Variants in FBXL13 observed in about 807,000 individuals in gnomAD.
The protein encoded by FBXL13 is F-box and leucine rich repeat protein 13.
FBXL13 carries 67 observed loss-of-function variants against 83.6 expected under a neutral mutation model. That is an observed-to-expected ratio of 0.80 (90% CI 0.66 to 0.98). The LOEUF is 0.98. Ranked by LOEUF, FBXL13 falls within the 50% of genes least tolerant of loss-of-function variation. The pLI is 0.00. For missense variants in FBXL13, 822 were observed against 866.5 expected (o/e 0.95, Z 0.64); for synonymous variants, 272 against 299.5 (o/e 0.91, Z 0.95).
chr7:102,942,421 G>T, intron 8 of FBXL13: 1 of 1,285,734 alleles, frequency 7.8e-7, no homozygotes. Context: ...AGACATTGTT[G>T]TGGAAAAGAG....
At chr7:102,930,128 T>G (rs536824818) in intron 9 of FBXL13, among the ~76,000 whole-genome samples, 49 of 152,200 alleles carry the variant, frequency 3.2e-4, no homozygotes, top group African/African-American at 1.2e-3. Flanking sequence ...TGGTTCAGTA[T>G]TGAAATAGAG....
chr7:102,973,239 T>G (rs2129482502), intron 6 of FBXL13: 1 of 290,878 alleles, frequency 3.4e-6, no homozygotes, highest in South Asian at 3.9e-5. Context: ...CCCGAAAGCT[T>G]GAAGGAATGA....
At chr7:102,860,245 A>C (rs1186220791) in intron 16 of FBXL13, among the ~76,000 whole-genome samples, 1 of 152,192 alleles carries the variant, frequency 6.6e-6, no homozygotes, top group African/African-American at 2.4e-5. Context: ...CTCATTCTCT[A>C]CAGAAAGAAT....
intron 2 of FBXL13, among the ~76,000 whole-genome samples, chr7:103,050,312 G>T (rs1402489938): frequency 6.6e-6 from 1 of 152,198 alleles, no homozygotes; most frequent in African/African-American, 2.4e-5. Flanking sequence ...AGCATGCCAG[G>T]CTTCTGGGCT....
At chr7:103,074,292 C>G in exon 1 of FBXL13, 1 of 1,017,918 alleles carries the variant, frequency 9.8e-7, no homozygotes, top group Non-Finnish European at 1.2e-6. Flanking sequence ...GTGCCTACTC[C>G]CTACTTCTGA....
chr7:102,967,982 G>C, intron 7 of FBXL13, 40 bp downstream of exon 8: 1 of 1,478,236 alleles, frequency 6.8e-7, no homozygotes, highest in Admixed American at 1.7e-5. Flanking sequence ...TCTCCTTTAA[G>C]AACTAGTGTA....
At chr7:102,948,731 T>G (rs1160712529) in intron 8 of FBXL13, among the ~76,000 whole-genome samples, 1 of 150,546 alleles carries the variant, frequency 6.6e-6, no homozygotes, top group East Asian at 1.9e-4. Context: ...CTTTTTTTTT[T>G]GACACAGTCT....
At chr7:103,055,829 A>G in intron 1 of FBXL13, 82 bp from the exon 2 acceptor site, 1 of 596,082 alleles carries the variant, frequency 1.7e-6, no homozygotes, top group Non-Finnish European at 2.6e-6. Context: ...TTATTGTTCA[A>G]TTTGTTTTGG....
At chr7:103,003,868 T>A (rs146630729) in intron 6 of FBXL13, among the ~76,000 whole-genome samples, 21 of 152,358 alleles carry the variant, frequency 1.4e-4, no homozygotes, top group Non-Finnish European at 2.6e-4. Flanking sequence ...TGAGCCACCA[T>A]GCCCATCTCT....
At chr7:102,834,898 G>GTC (rs1188512576) in intron 17 of FBXL13, among the ~76,000 whole-genome samples, 1 of 151,750 alleles carries the variant, frequency 6.6e-6, no homozygotes, top group African/African-American at 2.4e-5. Context: ...GTGTGTGTGT[G>GTC]TGTGTGTGTG....
At chr7:102,888,826 A>G (rs534692184) in intron 11 of FBXL13, among the ~76,000 whole-genome samples, 19 of 152,282 alleles carry the variant, frequency 1.2e-4, no homozygotes, top group African/African-American at 4.6e-4. Context: ...AAACATGAAC[A>G]GAGGAGGAGA....
At chr7:102,860,165 T>C (rs1247244376) in intron 16 of FBXL13, among the ~76,000 whole-genome samples, 1 of 152,186 alleles carries the variant, frequency 6.6e-6, no homozygotes, top group African/African-American at 2.4e-5. Flanking sequence ...CAGAATTAAA[T>C]AGAACTTTCT....
At chr7:102,903,161 T>C (rs1813188738) in intron 11 of FBXL13, among the ~76,000 whole-genome samples, 1 of 152,134 alleles carries the variant, frequency 6.6e-6, no homozygotes, top group Non-Finnish European at 1.5e-5. Flanking sequence ...TTCCTAGTTA[T>C]TTAACTTAAT....
chr7:102,929,211 G>A (rs578215096), intron 9 of FBXL13, among the ~76,000 whole-genome samples: 2 of 152,244 alleles, frequency 1.3e-5, no homozygotes, highest in South Asian at 4.1e-4. Context: ...GTTTTACTGT[G>A]GAAATGGGAT....
In FBXL13 at chr7:102,904,504, C is replaced by T. The variant is rs141046982; in HGVS notation, c.1008+8582G>A. ...TATTTTTTTTCTTAATCTTGCTAAA[C>T]ATTTGTCAACTTTGTTTAACTTTTC... On this transcript the variant is annotated intron_variant, in intron 11 of 19. Coordinates refer to ENST00000313221, the Ensembl canonical transcript of FBXL13. Among the ~76,000 whole-genome samples, 1,092 of 151,906 alleles carry T rather than the reference C, an allele frequency of 7.2e-3. 13 individuals are homozygous for T. The highest frequency in any genetic ancestry group is 0.025 in the African/African-American group (1,036 of 41,480).
At chr7:103,033,964 T>G (rs1402851444) in intron 2 of FBXL13, among the ~76,000 whole-genome samples, 1 of 151,830 alleles carries the variant, frequency 6.6e-6, no homozygotes, top group African/African-American at 2.4e-5. Flanking sequence ...AGATACAGAG[T>G]GTCGACACAA....
intron 6 of FBXL13, among the ~76,000 whole-genome samples, chr7:103,015,184 G>A (rs949492086): frequency 6.6e-6 from 1 of 151,978 alleles, no homozygotes; most frequent in Non-Finnish European, 1.5e-5. Context: ...GGCACTGAAG[G>A]AACATACCTC....
intron 18 of FBXL13, among the ~76,000 whole-genome samples, chr7:102,828,950 A>G (rs984789336): frequency 4.6e-5 from 7 of 152,178 alleles, no homozygotes; most frequent in African/African-American, 1.7e-4. Context: ...GTAGATTGTC[A>G]TTCTCAAGAA....
rs570778943 is a variant in FBXL13, at chr7:102,969,891, A to G, written c.496-1774T>C. On this transcript the variant is annotated intron_variant, in intron 6 of 19. Transcript: ENST00000313221. The stretch of plus-strand genomic sequence containing the variant: ...AAAAGAAAAGGAAAGAAAAGAAAAA[A>G]GAAAAGAAAAGAAAAGAAATCAACC... Among the ~76,000 whole-genome samples the G allele has an allele frequency of 2.9e-4, 44 of 151,552 alleles. No individual in the cohort carries two copies. In the East Asian group the frequency reaches 7.4e-3, roughly 25 times the overall value.
Sources: gnomAD v4.1 joint callset for allele counts (sites outside exome capture counted in the v4.1 genomes callset) on GRCh38, gnomAD v4.1.1 for gene constraint, MANE v1.5 for transcripts, NCBI Gene and HGNC (gene_info 2026-07-23, HGNC 2026-07-21) for gene names.